Variants in BCL2 observed in about 807,000 individuals in gnomAD.
The protein encoded by BCL2 is apoptosis regulator Bcl-2.
Under a neutral mutation model 14.2 loss-of-function variants are expected in BCL2, and 1 was observed. The observed-to-expected ratio is 0.07, with a 90% CI of 0.02 to 0.33. The LOEUF (loss-of-function observed/expected upper bound fraction) is 0.33. Among genes scored for constraint, BCL2 ranks in the 10% least tolerant of loss-of-function variants. The pLI is 0.99. For synonymous variants in BCL2, 151 were observed against 137.2 expected, an observed-to-expected ratio of 1.10 and a Z score of -0.70; for missense variants, 247 against 305.9, an observed-to-expected ratio of 0.81 and a Z score of 1.44.
intron 2 of BCL2, among the ~76,000 whole-genome samples, chr18:63,212,731 C>G (rs538303020): frequency 6.6e-6 from 1 of 152,182 alleles, no homozygotes; most frequent in South Asian, 2.1e-4. Flanking sequence ...AAAAAATTAG[C>G]CAGTCACAGT....
chr18:63,294,496 C>G (rs1231337842), intron 2 of BCL2, among the ~76,000 whole-genome samples: 1 of 152,022 alleles, frequency 6.6e-6, no homozygotes, highest in Non-Finnish European at 1.5e-5. Flanking sequence ...TGGTGAAACC[C>G]TGTCTCTACT....
intron 2 of BCL2, among the ~76,000 whole-genome samples, chr18:63,276,768 G>A (rs1912164929): frequency 6.6e-6 from 1 of 152,176 alleles, no homozygotes; most frequent in African/African-American, 2.4e-5. Flanking sequence ...TCCTACAAGT[G>A]GGTGCAAAAC....
intron 2 of BCL2, among the ~76,000 whole-genome samples, chr18:63,175,793 T>A (rs1275414469): frequency 6.6e-6 from 1 of 152,132 alleles, no homozygotes; most frequent in Non-Finnish European, 1.5e-5. Flanking sequence ...CAGGAGACAA[T>A]CTATTTAGAC....
intron 2 of BCL2, among the ~76,000 whole-genome samples, chr18:63,207,115 C>T (rs1052159093): frequency 6.6e-6 from 1 of 152,118 alleles, no homozygotes; most frequent in Non-Finnish European, 1.5e-5. Flanking sequence ...TGATTGAAGC[C>T]GTGACAGAAA....
intron 2 of BCL2, among the ~76,000 whole-genome samples, chr18:63,270,904 G>A (rs1290776837): frequency 6.6e-6 from 1 of 151,730 alleles, no homozygotes. Flanking sequence ...TTTGACCTCC[G>A]CCTCTCAAGA....
chr18:63,199,552 C>T (rs1456740377), intron 2 of BCL2, among the ~76,000 whole-genome samples: 1 of 151,292 alleles, frequency 6.6e-6, no homozygotes, highest in Non-Finnish European at 1.5e-5. Context: ...CAGACCCACA[C>T]ACACAGATAC....
At chr18:63,316,603 CATTT>C (rs1913504125) in intron 2 of BCL2, 1 of 152,086 alleles carries the variant, frequency 6.6e-6, no homozygotes, top group Non-Finnish European at 1.5e-5. Flanking sequence ...TAAATTGGGG[CATTT>C]TAGTTAATCT....
intron 2 of BCL2, among the ~76,000 whole-genome samples, chr18:63,202,667 T>A (rs1439574916): frequency 6.6e-6 from 1 of 152,240 alleles, no homozygotes; most frequent in Non-Finnish European, 1.5e-5. Flanking sequence ...CATCATAGGC[T>A]ACTTTGATTA....
rs543907605 is a variant in BCL2, at chr18:63,224,569, T to C, written c.585+93513A>G. Among the ~76,000 whole-genome samples, 299 of 152,366 alleles carry C rather than the reference T, an allele frequency of 2.0e-3. 1 individual carries two copies. Among genetic ancestry groups the C allele is most frequent in the Non-Finnish European group, 3.2e-3 (219 of 68,038 alleles). On this transcript the variant is annotated intron_variant, in intron 2 of 2. Coordinates refer to ENST00000333681, the MANE Select transcript of BCL2 (RefSeq NM_000633.3). ...CCCGTACAAGACAGACAAGTCATCA[T>C]GTGACACAACAGAATGAAGACAATT... is the stretch of plus-strand genomic sequence containing the variant.
intron 2 of BCL2, among the ~76,000 whole-genome samples, chr18:63,130,262 C>T (rs892678761): frequency 2.1e-4 from 32 of 152,176 alleles, no homozygotes; most frequent in Admixed American, 1.5e-3. Context: ...CACATTATTC[C>T]CAACAACCCT....
chr18:63,146,462 G>A (rs1182773779), intron 2 of BCL2, among the ~76,000 whole-genome samples: 3 of 152,234 alleles, frequency 2.0e-5, no homozygotes, highest in Non-Finnish European at 4.4e-5. Flanking sequence ...CTGACAGGAC[G>A]CCAGGCCTGC....
intron 2 of BCL2, among the ~76,000 whole-genome samples, chr18:63,228,285 G>T (rs939272187): frequency 6.6e-6 from 1 of 152,128 alleles, no homozygotes. Context: ...GAGCTTCTGC[G>T]TATGAATTTT....
intron 2 of BCL2, among the ~76,000 whole-genome samples, chr18:63,151,632 T>C (rs1172537901): frequency 6.6e-6 from 1 of 152,162 alleles, no homozygotes. Flanking sequence ...AAAAGATAAT[T>C]TAAATGAAAA....
rs1913552574 is a variant in BCL2 at position 63,318,030 on chromosome 18, G to C, written c.585+52C>G. On this transcript the variant is annotated intron_variant, in intron 2 of 2. Transcript: ENST00000333681. This position sits in a 1 kb window ranked among gnomAD's most constrained non-coding sequence, Gnocchi z 7.4. ...GGAGCCCACCCGCACTCCAACCCCC[G>C]CATCTCGGACCTGTGGCCTCAGCCC... 1 of 1,586,922 alleles carries C rather than the reference G, an allele frequency of 6.3e-7. No homozygotes were observed. Among genetic ancestry groups the C allele is most frequent in the South Asian group, 1.1e-5 (1 of 88,258 alleles).
chr18:63,247,201 T>A (rs1329324315), intron 2 of BCL2, among the ~76,000 whole-genome samples: 1 of 81,322 alleles, frequency 1.2e-5, no homozygotes, highest in Admixed American at 1.1e-4. Flanking sequence ...TGCAACAGGA[T>A]TTTTTTTTTT....
At chr18:63,161,055 T>C (rs1914909269) in intron 2 of BCL2, among the ~76,000 whole-genome samples, 1 of 152,146 alleles carries the variant, frequency 6.6e-6, no homozygotes, top group Non-Finnish European at 1.5e-5. Flanking sequence ...TTAAATCACT[T>C]TTCCAAAATG....
At chr18:63,221,138 C>T (rs944956932) in intron 2 of BCL2, among the ~76,000 whole-genome samples, 6 of 152,172 alleles carry the variant, frequency 3.9e-5, no homozygotes, top group Admixed American at 1.3e-4. Context: ...TAACTGGCCA[C>T]GTGTCTGTGG....
At chr18:63,312,887 C>T (rs1184076612) in intron 2 of BCL2, among the ~76,000 whole-genome samples, 8 of 152,166 alleles carry the variant, frequency 5.3e-5, no homozygotes, top group Non-Finnish European at 1.2e-4. Context: ...TCTTAGTATG[C>T]ATAAATAGTG....
chr18:63,240,971 G>A lies in BCL2; in HGVS notation c.585+77111C>T, dbSNP rs139445690. ...TACCATGAAAATATCTATAGCATGG[G>A]TTGGAAAACATTTCCAGTGAAAAAC... On this transcript the variant is annotated intron_variant, in intron 2 of 2. Transcript: ENST00000333681. 2.0e-3 allele frequency among the ~76,000 whole-genome samples: 311 copies of A among 152,344 alleles called. 8 individuals are homozygous for A. The highest frequency in any genetic ancestry group is 0.014 in the Middle Eastern group (4 of 294).
Sources: allele counts gnomAD v4.1 joint callset (sites outside exome capture counted in the v4.1 genomes callset), GRCh38; gene constraint gnomAD v4.1.1; non-coding constraint Gnocchi (gnomAD v3.1); transcripts MANE v1.5; gene names NCBI Gene and HGNC (gene_info 2026-07-23, HGNC 2026-07-21).